Variants in AXDND1 observed in about 807,000 individuals in gnomAD.
AXDND1 encodes axonemal dynein light chain domain-containing protein 1.
Under a neutral mutation model 137.5 loss-of-function variants are expected in AXDND1, and 110 were observed. The ratio of observed to expected loss-of-function variants is 0.80; its 90% CI spans 0.69 to 0.94. AXDND1 has a LOEUF of 0.94. AXDND1 is among the 40% of genes least tolerant of loss of function. The pLI, the probability that AXDND1 is intolerant of heterozygous loss-of-function variation, is 0.00. For missense variants in AXDND1, 1,191 were observed against 1,169.8 expected, an observed-to-expected ratio of 1.02 and a Z score of -0.26; for synonymous variants, 414 against 399.7, an observed-to-expected ratio of 1.04 and a Z score of -0.43.
chr1:179,546,493 G>A (rs1023936706), intron 25 of AXDND1, among the ~76,000 whole-genome samples: 1 of 151,234 alleles, frequency 6.6e-6, no homozygotes, highest in African/African-American at 2.5e-5. Flanking sequence ...GTGGAGGGAG[G>A]AACTTCTGCT....
chr1:179,429,981 A>G (rs978313250), intron 13 of AXDND1, among the ~76,000 whole-genome samples: 1 of 149,784 alleles, frequency 6.7e-6, no homozygotes, highest in Non-Finnish European at 1.5e-5. Context: ...GGCATTTAGC[A>G]TGTTTCTACT....
chr1:179,505,072 C>G (rs1668397824), intron 20 of AXDND1, among the ~76,000 whole-genome samples: 1 of 152,026 alleles, frequency 6.6e-6, no homozygotes, highest in Non-Finnish European at 1.5e-5. Flanking sequence ...GGACTGCTAC[C>G]ATCTTCTCCT....
At chr1:179,467,666 AG>A (rs771112409) in intron 16 of AXDND1, among the ~76,000 whole-genome samples, 3 of 152,208 alleles carry the variant, frequency 2.0e-5, no homozygotes, top group Non-Finnish European at 4.4e-5. Flanking sequence ...GAGAAAAATG[AG>A]GTAGCAAATG....
At chr1:179,435,988 A>G (rs1258695945) in intron 15 of AXDND1, among the ~76,000 whole-genome samples, 1 of 152,212 alleles carries the variant, frequency 6.6e-6, no homozygotes, top group East Asian at 1.9e-4. Context: ...AAACAAATTT[A>G]CAAGAAAAAA....
At chr1:179,447,585 G>GAACCTTT in intron 16 of AXDND1, 3 of 1,053,818 alleles carry the variant, frequency 2.8e-6, no homozygotes, top group South Asian at 3.6e-5. Flanking sequence ...GTTGAAGAAA[G>GAACCTTT]GTTCAACTTA....
intron 21 of AXDND1, among the ~76,000 whole-genome samples, chr1:179,509,954 T>G (rs1668875288): frequency 6.6e-6 from 1 of 152,196 alleles, no homozygotes; most frequent in Non-Finnish European, 1.5e-5. Context: ...TGTTTAAAAC[T>G]CTAGAACTAC....
chr1:179,477,200 A>G, intron 17 of AXDND1, among the ~76,000 whole-genome samples: 1 of 151,362 alleles, frequency 6.6e-6, no homozygotes, highest in Non-Finnish European at 1.5e-5. Context: ...CTTTTTTCCA[A>G]TTTATATTTT....
chr1:179,547,291 C>G (rs1672740006), intron 25 of AXDND1, among the ~76,000 whole-genome samples: 1 of 152,156 alleles, frequency 6.6e-6, no homozygotes, highest in East Asian at 1.9e-4. Flanking sequence ...GAAGCTGTGT[C>G]TAGGGTTCAT....
chr1:179,384,618 A>G (rs1648907101), intron 8 of AXDND1, among the ~76,000 whole-genome samples: 1 of 152,178 alleles, frequency 6.6e-6, no homozygotes, highest in African/African-American at 2.4e-5. Context: ...TGTTTTGAAG[A>G]ACACAAGCCA....
intron 8 of AXDND1, 74 bp downstream of exon 8, chr1:179,383,618 C>G: frequency 9.1e-7 from 1 of 1,095,008 alleles, no homozygotes; most frequent in Non-Finnish European, 1.4e-6. Flanking sequence ...GGTTAGAATT[C>G]TGACCCTGCC....
chr1:179,448,121 T>C (rs1660001181), intron 16 of AXDND1: 1 of 1,000,524 alleles, frequency 1.0e-6, no homozygotes, highest in African/African-American at 1.6e-5. Context: ...ATTTTTCTTC[T>C]GTATATGGAG....
At chr1:179,452,897 A>T (rs1660751271) in intron 16 of AXDND1, 1 of 151,460 alleles carries the variant, frequency 6.6e-6, no homozygotes, top group South Asian at 2.1e-4. Context: ...GGAGGTAAAA[A>T]TGGTTTCGTG....
chr1:179,478,574 C>A (rs1664918804), intron 17 of AXDND1, among the ~76,000 whole-genome samples: 1 of 152,206 alleles, frequency 6.6e-6, no homozygotes, highest in Non-Finnish European at 1.5e-5. Flanking sequence ...GCCCATGAAG[C>A]CATTTTTTCC....
chr1:179,431,299 AC>A (rs1657338267), intron 14 of AXDND1, among the ~76,000 whole-genome samples: 1 of 151,470 alleles, frequency 6.6e-6, no homozygotes, highest in Non-Finnish European at 1.5e-5. Flanking sequence ...GCGCCACCAC[AC>A]CCGGCTAATT....
At chr1:179,501,715 A>G (rs1232599845) in intron 20 of AXDND1, among the ~76,000 whole-genome samples, 2 of 152,148 alleles carry the variant, frequency 1.3e-5, no homozygotes, top group African/African-American at 2.4e-5. Flanking sequence ...GTCTTAAAAC[A>G]AAACAAAACA....
rs1225270497 is a variant in AXDND1 at position 179,430,577 on chromosome 1, T to C, written c.1458T>C (p.Asp486=). The C allele has an allele frequency of 1.2e-6, 2 of 1,612,784 alleles. No homozygotes were observed. Among genetic ancestry groups the C allele is most frequent in the Non-Finnish European group, 1.7e-6 (2 of 1,179,706 alleles). Residue 486 remains aspartate, a synonymous_variant, in exon 14 of 26, where the codon GAT becomes GAC. Coordinates refer to ENST00000367618, the MANE Select transcript of AXDND1 (RefSeq NM_144696.6). ...GCGAGACACTGAAAATTGTTAAGGA[T>C]GGGCTTATCAAATGGCAGGAGTTCT... is the stretch of plus-strand genomic sequence containing the variant. The part of the protein sequence containing the change: ...STSETLKIVK[D]GLIKWQEFFN...
chr1:179,384,080 A>C (rs1325344200), intron 8 of AXDND1, among the ~76,000 whole-genome samples: 1 of 152,168 alleles, frequency 6.6e-6, no homozygotes, highest in Admixed American at 6.5e-5. Context: ...TCTTACATAG[A>C]TAGAGACCTT....
chr1:179,369,325 G>A (rs1364348815), intron 3 of AXDND1, among the ~76,000 whole-genome samples: 2 of 152,090 alleles, frequency 1.3e-5, no homozygotes, highest in Admixed American at 6.6e-5. Flanking sequence ...CAATCCACCC[G>A]CCTTAGCCTC....
At chr1:179,513,761 G>C (rs1669266942) in intron 21 of AXDND1, among the ~76,000 whole-genome samples, 1 of 151,962 alleles carries the variant, frequency 6.6e-6, no homozygotes. Flanking sequence ...GGTCTGTTCA[G>C]GGTATCTAAT....
Sources: gnomAD v4.1 joint callset for allele counts (sites outside exome capture counted in the v4.1 genomes callset) on GRCh38, gnomAD v4.1.1 for gene constraint, MANE v1.5 for transcripts, NCBI Gene and HGNC (gene_info 2026-07-23, HGNC 2026-07-21) for gene names.